The following SLC14A2 variants were observed in gnomAD, a reference collection of about 807,000 sequenced individuals.
SLC14A2 encodes solute carrier family 14 member 2.
Under a neutral mutation model 104.6 loss-of-function variants are expected in SLC14A2, and 91 were observed. The ratio of observed to expected loss-of-function variants is 0.87; its 90% CI spans 0.73 to 1.04. The LOEUF is 1.04. Ranked by LOEUF, SLC14A2 falls within the 50% of genes least tolerant of loss-of-function variation. The pLI is 0.00. For missense variants in SLC14A2, 1,189 were observed against 1,156.0 expected, an observed-to-expected ratio of 1.03 and a Z score of -0.41; for synonymous variants, 476 against 466.4, an observed-to-expected ratio of 1.02 and a Z score of -0.27.
intron 1 of SLC14A2, among the ~76,000 whole-genome samples, chr18:45,344,372 G>T (rs990718565): frequency 4.6e-5 from 7 of 152,118 alleles, no homozygotes; most frequent in African/African-American, 7.2e-5. Flanking sequence ...AAAAGTCAGG[G>T]TAACCCCAAG....
chr18:45,530,968 C>A (rs544642989), intron 2 of SLC14A2, among the ~76,000 whole-genome samples: 33 of 151,718 alleles, frequency 2.2e-4, no homozygotes, highest in African/African-American at 6.8e-4. Context: ...TTTGTCCTTG[C>A]GATAGTTTGC....
intron 1 of SLC14A2, among the ~76,000 whole-genome samples, chr18:45,364,297 A>G (rs1448691484): frequency 1.3e-5 from 2 of 152,242 alleles, no homozygotes; most frequent in Non-Finnish European, 2.9e-5. Flanking sequence ...TTTGAATAGA[A>G]AAATGACTAG....
intron 17 of SLC14A2, 59 bp from the exon 18 acceptor site, chr18:45,673,624 C>A: frequency 6.3e-7 from 1 of 1,575,014 alleles, no homozygotes; most frequent in South Asian, 1.1e-5. Context: ...GGTTTCAGGG[C>A]CAGCAGATGG....
At chr18:45,523,524 C>T (rs1361138059) in intron 2 of SLC14A2, among the ~76,000 whole-genome samples, 9 of 143,496 alleles carry the variant, frequency 6.3e-5, no homozygotes, top group Non-Finnish European at 1.4e-4. Context: ...TAAGTAAACA[C>T]GGGGTTTACA....
intron 1 of SLC14A2, among the ~76,000 whole-genome samples, chr18:45,615,993 A>G (rs767769895): frequency 6.6e-6 from 1 of 152,158 alleles, no homozygotes; most frequent in Non-Finnish European, 1.5e-5. Context: ...GTGTGTGAGT[A>G]AAGGAGATCA....
At chr18:45,635,118 C>T (rs1306262216) in intron 5 of SLC14A2, among the ~76,000 whole-genome samples, 1 of 152,072 alleles carries the variant, frequency 6.6e-6, no homozygotes, top group South Asian at 2.1e-4. Context: ...AAGAACTGGT[C>T]GGTGGCAGGA....
intron 1 of SLC14A2, among the ~76,000 whole-genome samples, chr18:45,320,562 A>T (rs1415187016): frequency 6.6e-6 from 1 of 152,114 alleles, no homozygotes; most frequent in Admixed American, 6.5e-5. Context: ...CTTGCAGTGC[A>T]TTGCACTGAC....
intron 1 of SLC14A2, among the ~76,000 whole-genome samples, chr18:45,344,672 G>A (rs2085430278): frequency 6.6e-6 from 1 of 152,030 alleles, no homozygotes; most frequent in Non-Finnish European, 1.5e-5. Context: ...CTCCTAATAG[G>A]GTCTTATTTA....
At chr18:45,669,807 A>C (rs2046099300) in intron 16 of SLC14A2, among the ~76,000 whole-genome samples, 1 of 152,224 alleles carries the variant, frequency 6.6e-6, no homozygotes, top group Admixed American at 6.5e-5. Flanking sequence ...CCTGACTTCC[A>C]GCCTGGGCTC....
intron 1 of SLC14A2, among the ~76,000 whole-genome samples, chr18:45,354,534 G>A (rs960852192): frequency 4.6e-5 from 7 of 152,350 alleles, no homozygotes; most frequent in Admixed American, 4.6e-4. Context: ...GAGCAGACAA[G>A]CTTGCAAGCG....
intron 2 of SLC14A2, among the ~76,000 whole-genome samples, chr18:45,573,315 C>CT (rs1258208907): frequency 6.6e-6 from 1 of 152,156 alleles, no homozygotes; most frequent in Non-Finnish European, 1.5e-5. Flanking sequence ...ATATAAGCTT[C>CT]TTTCTTGAAA....
intron 1 of SLC14A2, among the ~76,000 whole-genome samples, chr18:45,377,074 C>G (rs995501086): frequency 6.6e-6 from 1 of 152,136 alleles, no homozygotes; most frequent in Non-Finnish European, 1.5e-5. Context: ...CTGCCTCTTC[C>G]ACTATGCCCT....
chr18:45,211,848 CTGAGT>C (rs1294493462), upstream of SLC14A2, among the ~76,000 whole-genome samples: 3 of 152,160 alleles, frequency 2.0e-5, no homozygotes, highest in South Asian at 2.1e-4. Flanking sequence ...CCTGAGTGGG[CTGAGT>C]TAAGATGAGA....
At chr18:45,674,163 A>G (rs2046189054) in intron 18 of SLC14A2, among the ~76,000 whole-genome samples, 1 of 152,192 alleles carries the variant, frequency 6.6e-6, no homozygotes, top group Admixed American at 6.5e-5. Context: ...CCTCTTTGTT[A>G]TATATTTGTT....
chr18:45,459,398 A>G (rs1220359906), intron 1 of SLC14A2, among the ~76,000 whole-genome samples: 1 of 152,050 alleles, frequency 6.6e-6, no homozygotes, highest in African/African-American at 2.4e-5. Flanking sequence ...TCACCTCCCT[A>G]TTTCAAAGAG....
rs367683071 is a variant in SLC14A2, at chr18:45,620,450, A to G, written c.-34-4181A>G. 3.9e-5 allele frequency among the ~76,000 whole-genome samples: 6 copies of G among 152,348 alleles called. No homozygotes were observed. In the East Asian group the frequency reaches 1.2e-3, roughly 29 times the overall value. On this transcript the variant is annotated intron_variant, in intron 1 of 19. Transcript: ENST00000255226. Reference sequence around the variant, plus strand: ...TTTCAAGGACATGATTTATCTGTAAATGGAAATATTGTCTGCATACAGAAG... The same window carrying G: ...TTTCAAGGACATGATTTATCTGTAAGTGGAAATATTGTCTGCATACAGAAG...
chr18:45,547,347 T>G (rs1335371607), intron 2 of SLC14A2, among the ~76,000 whole-genome samples: 2 of 152,142 alleles, frequency 1.3e-5, no homozygotes, highest in African/African-American at 4.8e-5. Flanking sequence ...GCCCCTGAAA[T>G]GCCCTGTGTC....
chr18:45,349,532 A>G (rs926366232), intron 1 of SLC14A2, among the ~76,000 whole-genome samples: 3 of 152,208 alleles, frequency 2.0e-5, no homozygotes, highest in African/African-American at 7.2e-5. Context: ...AGACCAGCAC[A>G]TCCATTCCAG....
chr18:45,223,366 T>C (rs1381556), intron 1 of SLC14A2, among the ~76,000 whole-genome samples: 48,955 of 152,070 alleles, frequency 0.32, 8,542 homozygotes, highest in African/African-American at 0.47. Context: ...AAAGAGGATC[T>C]TTTGATAGAT....
Sources: gnomAD v4.1 joint callset for allele counts (sites outside exome capture counted in the v4.1 genomes callset) on GRCh38, gnomAD v4.1.1 for gene constraint, MANE v1.5 for transcripts, NCBI Gene and HGNC (gene_info 2026-07-23, HGNC 2026-07-21) for gene names.